SCFD2: variants seen among roughly 807,000 people sequenced by gnomAD.
SCFD2 encodes the protein sec1 family domain containing 2.
In SCFD2, 54 loss-of-function variants were observed where a neutral mutation model predicts 58.9. The observed-to-expected ratio is 0.92, with a 90% CI of 0.74 to 1.15. The LOEUF (loss-of-function observed/expected upper bound fraction) is 1.15, where lower values mean the gene tolerates loss of function less well. Ranked by LOEUF, SCFD2 falls within the 50% of genes most tolerant of loss-of-function variation. The probability of loss-of-function intolerance (pLI) is 0.00; values close to 1 mark genes in which losing one functional copy is unlikely to be tolerated. For missense variants in SCFD2, 805 were observed against 836.6 expected (o/e 0.96, Z 0.47); for synonymous variants, 321 against 335.9 (o/e 0.96, Z 0.49).
chr4:53,214,248 T>C (rs540054761), intron 4 of SCFD2, among the ~76,000 whole-genome samples: 4 of 152,250 alleles, frequency 2.6e-5, no homozygotes, highest in South Asian at 2.1e-4. Context: ...TCCACAATGG[T>C]TGAACTAGTT....
At chr4:53,315,895 G>T (rs1474502482) in intron 2 of SCFD2, among the ~76,000 whole-genome samples, 1 of 152,082 alleles carries the variant, frequency 6.6e-6, no homozygotes, top group Non-Finnish European at 1.5e-5. Context: ...CATCAGATTG[G>T]TGTAGTGGTT....
intron 7 of SCFD2, among the ~76,000 whole-genome samples, chr4:52,895,516 G>C (rs1304822467): frequency 6.6e-6 from 1 of 152,068 alleles, no homozygotes; most frequent in Admixed American, 6.6e-5. Flanking sequence ...CTTTTTTATG[G>C]CTGCATAGTA....
intron 4 of SCFD2, among the ~76,000 whole-genome samples, chr4:53,147,484 C>T (rs1726368001): frequency 6.6e-6 from 1 of 151,984 alleles, no homozygotes; most frequent in South Asian, 2.1e-4. Context: ...TCACAATGTA[C>T]CATAGAAAAA....
intron 5 of SCFD2, among the ~76,000 whole-genome samples, chr4:53,037,006 G>A (rs115871040): frequency 1.3e-5 from 2 of 152,240 alleles, no homozygotes; most frequent in East Asian, 3.9e-4. Flanking sequence ...GTGATGGGCA[G>A]TTCTGTATCC....
intron 4 of SCFD2, among the ~76,000 whole-genome samples, chr4:53,174,670 G>T (rs1727275628): frequency 6.6e-6 from 1 of 152,158 alleles, no homozygotes; most frequent in South Asian, 2.1e-4. Flanking sequence ...GGGAAGAATG[G>T]AAAGAGACTT....
Position 53,034,079 on chromosome 4 carries a change from A to G in SCFD2, c.1561+111254T>C, listed in dbSNP as rs765931487. 1.3e-4 allele frequency among the ~76,000 whole-genome samples: 20 copies of G among 152,238 alleles called. 1 individual carries two copies. Among genetic ancestry groups the G allele is most frequent in the Admixed American group, 1.0e-3 (16 of 15,286 alleles). ...AAAATCCTCAATAAAATACTGGCAA[A>G]CTAAACCCAGCAGCACATCAAAAAG... On this transcript the variant is annotated intron_variant, in intron 5 of 8. Transcript: ENST00000401642.
At chr4:53,269,412 A>C (rs554735509) in intron 4 of SCFD2, among the ~76,000 whole-genome samples, 1 of 152,268 alleles carries the variant, frequency 6.6e-6, no homozygotes, top group East Asian at 1.9e-4. Flanking sequence ...AGATAGAAAT[A>C]TGTTTTAAAA....
chr4:52,875,450 C>A (rs373643193), intron 8 of SCFD2, among the ~76,000 whole-genome samples: 1 of 29,806 alleles, frequency 3.4e-5, no homozygotes, highest in Non-Finnish European at 5.1e-5. Context: ...AATTCCACAG[C>A]CCACATCCCT....
chr4:52,984,080 A>G (rs1560501669), intron 5 of SCFD2, among the ~76,000 whole-genome samples: 1 of 152,180 alleles, frequency 6.6e-6, no homozygotes, highest in Non-Finnish European at 1.5e-5. Context: ...ATGAAGGAGA[A>G]TGTAAGAGAA....
intron 5 of SCFD2, among the ~76,000 whole-genome samples, chr4:53,109,645 A>G (rs994843179): frequency 6.6e-6 from 1 of 152,208 alleles, no homozygotes; most frequent in Non-Finnish European, 1.5e-5. Flanking sequence ...TAAAATACCT[A>G]GGAATACAAC....
At chr4:53,212,745 T>C (rs2148982980) in intron 4 of SCFD2, among the ~76,000 whole-genome samples, 1 of 152,094 alleles carries the variant, frequency 6.6e-6, no homozygotes, top group South Asian at 2.1e-4. Context: ...AATTGTTATA[T>C]GGGATCATTT....
intron 3 of SCFD2, among the ~76,000 whole-genome samples, chr4:53,278,667 C>T (rs1240936786): frequency 6.6e-6 from 1 of 152,064 alleles, no homozygotes; most frequent in Non-Finnish European, 1.5e-5. Context: ...TATCTCCTAA[C>T]AGAAAATATC....
chr4:52,999,194 A>T (rs1721809143), intron 5 of SCFD2, among the ~76,000 whole-genome samples: 1 of 152,162 alleles, frequency 6.6e-6, no homozygotes, highest in South Asian at 2.1e-4. Context: ...TATAATTAGC[A>T]CCCTGATTGC....
chr4:53,138,099 T>C (rs577407624), intron 5 of SCFD2, among the ~76,000 whole-genome samples: 9 of 152,330 alleles, frequency 5.9e-5, no homozygotes, highest in Non-Finnish European at 1.3e-4. Flanking sequence ...GACAGCTAGA[T>C]GCTATCAAAA....
intron 4 of SCFD2, among the ~76,000 whole-genome samples, chr4:53,254,353 T>G (rs1730517317): frequency 6.6e-6 from 1 of 152,188 alleles, no homozygotes; most frequent in Non-Finnish European, 1.5e-5. Context: ...TTCCCCTGCA[T>G]GCACTCACTC....
chr4:53,302,781 C>T (rs1732360046), intron 3 of SCFD2, among the ~76,000 whole-genome samples: 1 of 152,108 alleles, frequency 6.6e-6, no homozygotes, highest in African/African-American at 2.4e-5. Context: ...GAACAGAGCC[C>T]TCAGAAATAA....
At chr4:53,162,522 C>T (rs1726882222) in intron 4 of SCFD2, among the ~76,000 whole-genome samples, 1 of 152,160 alleles carries the variant, frequency 6.6e-6, no homozygotes, top group Non-Finnish European at 1.5e-5. Flanking sequence ...ACACTGACTT[C>T]CACAATGGTT....
intron 4 of SCFD2, among the ~76,000 whole-genome samples, chr4:53,196,025 GA>G (rs1442498771): frequency 6.6e-6 from 1 of 152,066 alleles, no homozygotes; most frequent in African/African-American, 2.4e-5. Flanking sequence ...AAGACAACAT[GA>G]TATCTAGGAT....
intron 5 of SCFD2, among the ~76,000 whole-genome samples, chr4:52,938,412 T>C (rs80041307): frequency 0.014 from 2,064 of 152,270 alleles, 43 homozygotes; most frequent in African/African-American, 0.044. Flanking sequence ...GAAATGACTA[T>C]GATAAAAAGT....
Sources: allele counts gnomAD v4.1 joint callset (sites outside exome capture counted in the v4.1 genomes callset), GRCh38; gene constraint gnomAD v4.1.1; transcripts MANE v1.5; gene names NCBI Gene and HGNC (gene_info 2026-07-23, HGNC 2026-07-21).